PLCXD3: variants seen among roughly 807,000 people sequenced by gnomAD.
PLCXD3 encodes the protein phosphatidylinositol specific phospholipase C X domain containing 3.
PLCXD3 carries 19 observed loss-of-function variants against 25.5 expected under a neutral mutation model. The observed-to-expected ratio is 0.75, with a 90% CI of 0.52 to 1.09. The LOEUF (loss-of-function observed/expected upper bound fraction) is 1.09. Ranked by LOEUF, PLCXD3 falls within the 50% of genes least tolerant of loss-of-function variation. The pLI is 0.00. For missense variants in PLCXD3, 411 were observed against 388.1 expected, an observed-to-expected ratio of 1.06 and a Z score of -0.50; for synonymous variants, 174 against 137.6, an observed-to-expected ratio of 1.26 and a Z score of -1.85.
intron 2 of PLCXD3, among the ~76,000 whole-genome samples, chr5:41,373,482 A>G (rs1010005251): frequency 6.6e-6 from 1 of 152,174 alleles, no homozygotes. Context: ...ATGTATACTT[A>G]GCTAACCCAT....
chr5:41,418,632 TTTA>T (rs1746747408), intron 1 of PLCXD3, among the ~76,000 whole-genome samples: 1 of 152,178 alleles, frequency 6.6e-6, no homozygotes, highest in African/African-American at 2.4e-5. Context: ...AGTCTTCCAG[TTTA>T]TGAATCAAAC....
At position 41,424,602 on chromosome 5, in the gene PLCXD3, T is replaced by C. The variant is rs536950601; in HGVS notation, c.104-42068A>G. On this transcript the variant is annotated intron_variant, in intron 1 of 2. Coordinates refer to ENST00000377801, the MANE Select transcript of PLCXD3 (RefSeq NM_001005473.3). ...CAGTTTAGTTTCATCACACATGTTT[T>C]GATATCTACTTTTGCTGTCCATTAC... 3.3e-4 allele frequency among the ~76,000 whole-genome samples: 50 copies of C among 152,374 alleles called. No individual in the cohort carries two copies. The East Asian group carries it at 6.0e-3, about 18-fold the overall frequency.
intron 1 of PLCXD3, among the ~76,000 whole-genome samples, chr5:41,439,935 A>C (rs971564706): frequency 9.2e-5 from 14 of 152,190 alleles, no homozygotes; most frequent in African/African-American, 2.4e-4. Flanking sequence ...TGCAGAATAA[A>C]AAGGGAAAAA....
At chr5:41,494,400 A>G (rs1748789725) in intron 1 of PLCXD3, among the ~76,000 whole-genome samples, 1 of 152,248 alleles carries the variant, frequency 6.6e-6, no homozygotes, top group African/African-American at 2.4e-5. Flanking sequence ...TAATAGTGGC[A>G]GCAGAGAAAA....
chr5:41,374,319 C>A (rs755657972), intron 2 of PLCXD3, among the ~76,000 whole-genome samples: 3 of 152,054 alleles, frequency 2.0e-5, no homozygotes, highest in Non-Finnish European at 4.4e-5. Flanking sequence ...AAGAGCATTC[C>A]AGTTTGCCAA....
At position 41,426,581 on chromosome 5, in the gene PLCXD3, A is replaced by G. The variant is rs554550541; in HGVS notation, c.104-44047T>C. On this transcript the variant is annotated intron_variant, in intron 1 of 2. Transcript: ENST00000377801. The stretch of plus-strand genomic sequence containing the variant: ...ATATAATGTTTTTACCCTTTTCTTG[A>G]AAAACATAATGATATGATTAAAATA... Among the ~76,000 whole-genome samples the G allele has an allele frequency of 4.6e-5, 7 of 152,102 alleles. 2 individuals carry two copies. The highest frequency in any genetic ancestry group is 1.7e-4 in the African/African-American group (7 of 41,502).
chr5:41,498,031 G>A (rs951802953), intron 1 of PLCXD3, among the ~76,000 whole-genome samples: 35 of 151,380 alleles, frequency 2.3e-4, no homozygotes, highest in African/African-American at 8.2e-4. Context: ...ATTCCAAAAC[G>A]TATGAAATGC....
chr5:41,342,833 A>G (rs953940940), intron 2 of PLCXD3, among the ~76,000 whole-genome samples: 1 of 152,160 alleles, frequency 6.6e-6, no homozygotes. Context: ...TAATAAGCTG[A>G]AAATGCTTGC....
chr5:41,398,557 T>C (rs895516247), intron 1 of PLCXD3, among the ~76,000 whole-genome samples: 1 of 152,142 alleles, frequency 6.6e-6, no homozygotes, highest in African/African-American at 2.4e-5. Flanking sequence ...ATCCCTGAGA[T>C]GAAGTATAGT....
intron 1 of PLCXD3, among the ~76,000 whole-genome samples, chr5:41,432,314 C>G (rs1312168601): frequency 6.6e-6 from 1 of 152,146 alleles, no homozygotes; most frequent in South Asian, 2.1e-4. Context: ...TCTAAATGCA[C>G]TATTTGTGAA....
Position 41,379,447 on chromosome 5 carries a change from T to A in PLCXD3, c.812+2379A>T, listed in dbSNP as rs144182581. ...TTAGGCTTAGGAAGCTGGAGAGAGG[T>A]GACTAGTTAGGCAAAATCATCTAGA... On this transcript the variant is annotated intron_variant, in intron 2 of 2. Coordinates refer to ENST00000377801, the MANE Select transcript of PLCXD3 (RefSeq NM_001005473.3). Among the ~76,000 whole-genome samples the A allele has an allele frequency of 1.5e-3, 229 of 152,152 alleles. 7 individuals carry two copies. The East Asian group carries it at 0.04, about 26-fold the overall frequency.
intron 2 of PLCXD3, among the ~76,000 whole-genome samples, chr5:41,329,808 A>T (rs1743737620): frequency 6.8e-6 from 1 of 147,908 alleles, no homozygotes; most frequent in Non-Finnish European, 1.5e-5. Flanking sequence ...AATCTATTTT[A>T]TTATATATTA....
chr5:41,475,873 G>A lies in PLCXD3; in HGVS notation c.103+34551C>T, dbSNP rs146848258. 5.3e-3 allele frequency among the ~76,000 whole-genome samples: 811 copies of A among 152,344 alleles called. 4 individuals carry two copies. Among genetic ancestry groups the A allele is most frequent in the African/African-American group, 0.018 (732 of 41,574 alleles). On this transcript the variant is annotated intron_variant, in intron 1 of 2. Coordinates refer to ENST00000377801, the MANE Select transcript of PLCXD3 (RefSeq NM_001005473.3). ...GACAAAAGAAACTGTTTTAAAGGAA[G>A]GGTCCAGGGGAAGGAAAAGAGAGTT...
intron 1 of PLCXD3, among the ~76,000 whole-genome samples, chr5:41,392,059 TA>T (rs1332193689): frequency 6.6e-6 from 1 of 152,142 alleles, no homozygotes; most frequent in African/African-American, 2.4e-5. Context: ...GGTAGACCTA[TA>T]AGGTTTTTGA....
At chr5:41,446,060 C>T (rs960078820) in intron 1 of PLCXD3, among the ~76,000 whole-genome samples, 3 of 149,226 alleles carry the variant, frequency 2.0e-5, no homozygotes, top group Non-Finnish European at 3.0e-5. Context: ...TAGTGGCGGG[C>T]GCCTGTAGTC....
At chr5:41,490,124 A>G (rs1360742114) in intron 1 of PLCXD3, among the ~76,000 whole-genome samples, 1 of 152,126 alleles carries the variant, frequency 6.6e-6, no homozygotes, top group African/African-American at 2.4e-5. Flanking sequence ...TACCTAATTT[A>G]TTGAGAGTTT....
intron 1 of PLCXD3, among the ~76,000 whole-genome samples, chr5:41,390,609 G>A (rs889760203): frequency 5.9e-5 from 9 of 152,114 alleles, no homozygotes; most frequent in Non-Finnish European, 1.0e-4. Context: ...AAATAAAGAT[G>A]TTAAGAATCT....
chr5:41,503,784 T>C (rs1339575310), intron 1 of PLCXD3, among the ~76,000 whole-genome samples: 1 of 152,160 alleles, frequency 6.6e-6, no homozygotes, highest in Non-Finnish European at 1.5e-5. Flanking sequence ...GAGGAGTCTA[T>C]AAACTTCTTG....
intron 2 of PLCXD3, among the ~76,000 whole-genome samples, chr5:41,368,984 T>C (rs972000054): frequency 1.3e-5 from 2 of 152,160 alleles, no homozygotes; most frequent in African/African-American, 2.4e-5. Context: ...TCTTTATTAC[T>C]TGTAAGAGTT....
Sources: allele counts gnomAD v4.1 joint callset (sites outside exome capture counted in the v4.1 genomes callset), GRCh38; gene constraint gnomAD v4.1.1; transcripts MANE v1.5; gene names NCBI Gene and HGNC (gene_info 2026-07-23, HGNC 2026-07-21).